The following RSBN1 variants were observed in gnomAD, a reference collection of about 807,000 sequenced individuals.
The protein encoded by RSBN1 is lysine-specific demethylase 9.
RSBN1 carries 23 observed loss-of-function variants against 74.8 expected under a neutral mutation model. That is an observed-to-expected ratio of 0.31 (90% CI 0.22 to 0.44). RSBN1 has a LOEUF of 0.44. Among genes scored for constraint, RSBN1 ranks in the 20% least tolerant of loss-of-function variants. The pLI is 1.00. For missense variants in RSBN1, 808 were observed against 1,020.9 expected, an observed-to-expected ratio of 0.79 and a Z score of 2.84; for synonymous variants, 407 against 379.6, an observed-to-expected ratio of 1.07 and a Z score of -0.84.
At position 113,797,907 on chromosome 1, in the gene RSBN1, A is replaced by G. The variant is rs768782398; in HGVS notation, c.833T>C (p.Val278Ala). The G allele has an allele frequency of 3.7e-6, 6 of 1,610,898 alleles. No homozygotes were observed. The Middle Eastern group carries it at 9.9e-4, about 266-fold the overall frequency. ...GRRLKMYNKE[V>A]QTVCAGLTRI... ...GGTCAGGCCAGCACAGACGGTTTGT[A>G]CTTCCTTATTGTACATTTTAAGGCG... The change falls in exon 2 of 7, where the codon GTA (valine) becomes GCA (alanine). Residue 278 changes from valine to alanine, a missense_variant. This residue lies in a region of RSBN1 where 464 missense variants were observed against 401.0 expected (regional missense o/e 1.16). Transcript: ENST00000261441.
At chr1:113,804,919 A>G (rs2101826136) in intron 1 of RSBN1, among the ~76,000 whole-genome samples, 1 of 151,764 alleles carries the variant, frequency 6.6e-6, no homozygotes, top group South Asian at 2.1e-4. Flanking sequence ...AAAAAAAAAA[A>G]AAAAATGAGA....
At chr1:113,801,141 C>T (rs1660576639) in intron 1 of RSBN1, among the ~76,000 whole-genome samples, 1 of 151,924 alleles carries the variant, frequency 6.6e-6, no homozygotes. Flanking sequence ...ACCACCACAC[C>T]CGGCTAATTT....
At chr1:113,774,699 A>AC (rs1431219305) in intron 4 of RSBN1, among the ~76,000 whole-genome samples, 1 of 151,110 alleles carries the variant, frequency 6.6e-6, no homozygotes, top group Non-Finnish European at 1.5e-5. Flanking sequence ...AACAACAACA[A>AC]AAAACAACTA....
chr1:113,808,733 T>C (rs1308850734), intron 1 of RSBN1, among the ~76,000 whole-genome samples: 2 of 152,168 alleles, frequency 1.3e-5, no homozygotes, highest in Admixed American at 1.3e-4. Flanking sequence ...ACTGTATGAT[T>C]CAACTTATAT....
Position 113,766,475 on chromosome 1 carries a change from G to A in RSBN1, c.1936-22C>T, listed in dbSNP as rs777547605. ...CGCACTGAAGAAAGAAAAAAGTTAC[G>A]TGAGACTTTAAAATATGTAATAATT... is the stretch of plus-strand genomic sequence containing the variant. On this transcript the variant is annotated intron_variant, in intron 6 of 6. Transcript: ENST00000261441. The A allele has an allele frequency of 4.4e-5, 64 of 1,461,302 alleles. 1 individual carries two copies. Among genetic ancestry groups the A allele is most frequent in the African/African-American group, 2.8e-4 (20 of 70,928 alleles). The allele number at this position is 1,461,302 out of a possible 1,614,324, so 90.5% of individuals were successfully genotyped here.
chr1:113,794,062 G>A (rs752749785), intron 2 of RSBN1, among the ~76,000 whole-genome samples: 6 of 151,970 alleles, frequency 3.9e-5, no homozygotes, highest in Non-Finnish European at 7.4e-5. Context: ...CACAGAAACC[G>A]GCTTTTTCAA....
At chr1:113,775,493 C>T (rs1031071760) in intron 4 of RSBN1, among the ~76,000 whole-genome samples, 8 of 151,846 alleles carry the variant, frequency 5.3e-5, no homozygotes, top group African/African-American at 1.9e-4. Flanking sequence ...AGGAGCGTGC[C>T]ACCACACTAA....
intron 1 of RSBN1, among the ~76,000 whole-genome samples, chr1:113,804,953 A>T (rs1660673839): frequency 6.6e-6 from 1 of 151,756 alleles, no homozygotes; most frequent in Admixed American, 6.6e-5. Context: ...TCACAAGAGC[A>T]TACATATGAG....
At chr1:113,783,812 C>T (rs900825182) in intron 2 of RSBN1, among the ~76,000 whole-genome samples, 1 of 152,214 alleles carries the variant, frequency 6.6e-6, no homozygotes, top group African/African-American at 2.4e-5. Flanking sequence ...CAGAAGGAAA[C>T]TAGCATCCTG....
At chr1:113,789,021 A>G (rs778876456) in intron 2 of RSBN1, among the ~76,000 whole-genome samples, 4 of 152,124 alleles carry the variant, frequency 2.6e-5, no homozygotes, top group Non-Finnish European at 4.4e-5. Context: ...CTTCATCCCT[A>G]TTTCCTGAGG....
chr1:113,768,357 A>G lies in RSBN1; in HGVS notation c.1691T>C (p.Leu564Pro). Residue 564 changes from leucine to proline, a missense_variant, in exon 5 of 7, where the codon CTA (leucine) becomes CCA (proline). Transcript: ENST00000261441. The stretch of plus-strand genomic sequence containing the variant: ...TTCGCGGGGTTCACTGGTCCGAGGT[A>G]GGTACTGGAGATTTTTTATTTCATT... Reference protein sequence around the residue: ...SMNEIKNLQYLPRTSEPREVL... With the variant: ...SMNEIKNLQYPPRTSEPREVL... 1 of 1,606,048 alleles carries G rather than the reference A, an allele frequency of 6.2e-7. No individual in the cohort carries two copies. The highest frequency in any genetic ancestry group is 8.5e-7 in the Non-Finnish European group (1 of 1,175,732).
At chr1:113,785,421 T>C (rs1403775704) in intron 2 of RSBN1, among the ~76,000 whole-genome samples, 1 of 152,206 alleles carries the variant, frequency 6.6e-6, no homozygotes, top group Non-Finnish European at 1.5e-5. Flanking sequence ...ATAGTAAATA[T>C]AGTAAGTGAT....
chr1:113,802,965 G>C (rs1161152295), intron 1 of RSBN1, among the ~76,000 whole-genome samples: 1 of 152,274 alleles, frequency 6.6e-6, no homozygotes, highest in East Asian at 1.9e-4. Flanking sequence ...ATAAAGAGTA[G>C]TTTCACTGTC....
chr1:113,809,219 G>C (rs552470527), intron 1 of RSBN1, among the ~76,000 whole-genome samples: 62 of 152,278 alleles, frequency 4.1e-4, no homozygotes, highest in Middle Eastern at 3.4e-3. Context: ...TGCCTACAAT[G>C]AGCCAGGCAC....
intron 6 of RSBN1, among the ~76,000 whole-genome samples, chr1:113,766,765 C>T (rs894760943): frequency 6.6e-6 from 1 of 151,914 alleles, no homozygotes; most frequent in Non-Finnish European, 1.5e-5. Context: ...AACATGTTTT[C>T]TTTTCTTTTA....
Position 113,767,201 on chromosome 1 carries a change from G to T in RSBN1, c.1833C>A (p.Asp611Glu). The change falls in exon 6 of 7, where the codon GAC becomes GAA. Residue 611 changes from aspartate to glutamate, a missense_variant. By Grantham distance (45) the Asp-to-Glu change is conservative. Transcript: ENST00000261441. Reference sequence around the variant, plus strand: ...TCACATCTTTGGTTATGCGAGGTTGGTCACTCCTAAGATTAACAAAATTAA... The same window carrying T: ...TCACATCTTTGGTTATGCGAGGTTGTTCACTCCTAAGATTAACAAAATTAA... ...LKAVQFGEWS[D>E]QPRITKDVIC... The T allele has an allele frequency of 6.2e-7, 1 of 1,602,664 alleles. No homozygotes were observed. Among genetic ancestry groups the T allele is most frequent in the Admixed American group, 1.7e-5 (1 of 59,282 alleles).
chr1:113,777,585 AG>A, intron 3 of RSBN1, 85 bp downstream of exon 3: 1 of 1,259,216 alleles, frequency 7.9e-7, no homozygotes, highest in South Asian at 1.7e-5. Context: ...TAATTTCAAT[AG>A]GCAATATTAG....
intron 2 of RSBN1, among the ~76,000 whole-genome samples, chr1:113,788,736 T>C (rs1305797915): frequency 1.3e-5 from 2 of 152,128 alleles, no homozygotes; most frequent in Non-Finnish European, 2.9e-5. Flanking sequence ...GCAAGAGTCA[T>C]GGAATGCCAG....
intron 1 of RSBN1, among the ~76,000 whole-genome samples, chr1:113,802,208 G>C (rs1471164429): frequency 1.3e-5 from 2 of 151,490 alleles, no homozygotes; most frequent in Non-Finnish European, 2.9e-5. Context: ...TATCCGCCTC[G>C]GCCTCCCAAA....
Sources: allele counts gnomAD v4.1 joint callset (sites outside exome capture counted in the v4.1 genomes callset), GRCh38; gene constraint gnomAD v4.1.1; regional missense constraint gnomAD v4.1.1; transcripts MANE v1.5; gene names NCBI Gene and HGNC (gene_info 2026-07-23, HGNC 2026-07-21).